NXPH2: variants seen among roughly 807,000 people sequenced by gnomAD.
NXPH2 encodes neurexophilin-2.
A neutral mutation model predicts 19.8 loss-of-function variants in NXPH2; 5 were observed. The ratio of observed to expected loss-of-function variants is 0.25; its 90% CI spans 0.13 to 0.53. NXPH2 has a LOEUF of 0.53. NXPH2 is among the 20% of genes least tolerant of loss of function. The pLI, the probability that NXPH2 is intolerant of heterozygous loss-of-function variation, is 0.96. For missense variants in NXPH2, 289 were observed against 322.8 expected (o/e 0.90, Z 0.80); for synonymous variants, 154 against 127.4 (o/e 1.21, Z -1.41).
At chr2:138,713,696 G>A (rs369527152) in intron 1 of NXPH2, among the ~76,000 whole-genome samples, 1 of 152,040 alleles carries the variant, frequency 6.6e-6, no homozygotes, top group Admixed American at 6.6e-5. Context: ...TGTGTGTTCT[G>A]TGATGAGGCC....
At position 138,670,517 on chromosome 2, in the gene NXPH2, G is replaced by A. The variant is rs1195735290; in HGVS notation, c.*405C>T. On this transcript the variant is annotated 3_prime_UTR_variant, in exon 2 of 2. Coordinates refer to ENST00000272641, the MANE Select transcript of NXPH2 (RefSeq NM_007226.3). Reference sequence around the variant, plus strand: ...ATCAAATACAATCTTTTCCTTTACCGCATCTGCTGTTTCTGCGGTAACCTT... The same window carrying A: ...ATCAAATACAATCTTTTCCTTTACCACATCTGCTGTTTCTGCGGTAACCTT... 1.3e-5 allele frequency among the ~76,000 whole-genome samples: 2 copies of A among 152,090 alleles called. No homozygotes were observed. The highest frequency in any genetic ancestry group is 2.1e-4 in the South Asian group (1 of 4,820).
Position 138,720,653 on chromosome 2 carries a change from G to A in NXPH2, c.52-48988C>T, listed in dbSNP as rs116610917. Among the ~76,000 whole-genome samples the A allele has an allele frequency of 8.9e-3, 1,360 of 152,320 alleles. 21 individuals are homozygous for A. The highest frequency in any genetic ancestry group is 0.031 in the African/African-American group (1,283 of 41,570). On this transcript the variant is annotated intron_variant, in intron 1 of 1. Coordinates refer to ENST00000272641, the MANE Select transcript of NXPH2 (RefSeq NM_007226.3). ...CTCTTTGAAGGAACTGTAATCCTGGGTGCAGAGGAGCCACGGCAGCACAGG... is the reference window on the plus strand; with the variant it reads ...CTCTTTGAAGGAACTGTAATCCTGGATGCAGAGGAGCCACGGCAGCACAGG...
At chr2:138,695,218 G>A (rs1157897434) in intron 1 of NXPH2, among the ~76,000 whole-genome samples, 1 of 152,066 alleles carries the variant, frequency 6.6e-6, no homozygotes, top group Non-Finnish European at 1.5e-5. Context: ...ATTCCAAATC[G>A]ATATTAGTGG....
chr2:138,716,520 T>G (rs1039929410), intron 1 of NXPH2, among the ~76,000 whole-genome samples: 2 of 152,172 alleles, frequency 1.3e-5, no homozygotes, highest in African/African-American at 4.8e-5. Flanking sequence ...CTGTGAGCAA[T>G]AAACATCTGT....
intron 1 of NXPH2, among the ~76,000 whole-genome samples, chr2:138,716,623 A>G (rs1428539610): frequency 6.6e-6 from 1 of 152,226 alleles, no homozygotes; most frequent in Non-Finnish European, 1.5e-5. Flanking sequence ...CTAAGACAAC[A>G]GGTATTCGGT....
chr2:138,687,529 T>C (rs1680679718), intron 1 of NXPH2, among the ~76,000 whole-genome samples: 1 of 152,238 alleles, frequency 6.6e-6, no homozygotes, highest in African/African-American at 2.4e-5. Flanking sequence ...TAGTTTCTTT[T>C]GCTGTGCAGA....
chr2:138,738,198 A>G (rs901927375), intron 1 of NXPH2, among the ~76,000 whole-genome samples: 1 of 152,128 alleles, frequency 6.6e-6, no homozygotes, highest in Non-Finnish European at 1.5e-5. Flanking sequence ...AAGGAAAGAA[A>G]GCAGAGTTTA....
At chr2:138,751,413 TCAAATAA>T in intron 1 of NXPH2, among the ~76,000 whole-genome samples, 1 of 152,310 alleles carries the variant, frequency 6.6e-6, no homozygotes, top group Admixed American at 6.5e-5. Flanking sequence ...TAACATCATC[TCAAATAA>T]CTATGTGCTT....
chr2:138,774,665 G>C (rs1207895014), intron 1 of NXPH2, among the ~76,000 whole-genome samples: 2 of 152,144 alleles, frequency 1.3e-5, no homozygotes, highest in African/African-American at 2.4e-5. Flanking sequence ...ACTCACAGGT[G>C]CACATGTGCA....
intron 1 of NXPH2, among the ~76,000 whole-genome samples, chr2:138,759,729 C>CTT (rs772878668): frequency 0.025 from 3,200 of 126,542 alleles, 162 homozygotes; most frequent in African/African-American, 0.075. Context: ...CCTATGCCAC[C>CTT]TTTTTTTTTT....
At chr2:138,700,233 C>T (rs369177147) in intron 1 of NXPH2, among the ~76,000 whole-genome samples, 1 of 152,128 alleles carries the variant, frequency 6.6e-6, no homozygotes, top group Non-Finnish European at 1.5e-5. Flanking sequence ...GCATTCAAAC[C>T]ATTTTTAACA....
At chr2:138,675,814 C>G (rs1200793205) in intron 1 of NXPH2, among the ~76,000 whole-genome samples, 1 of 151,986 alleles carries the variant, frequency 6.6e-6, no homozygotes, top group East Asian at 1.9e-4. Flanking sequence ...CAAACCTGTT[C>G]AAAGAGCCCT....
At chr2:138,751,241 A>C (rs1009412335) in intron 1 of NXPH2, among the ~76,000 whole-genome samples, 1 of 152,172 alleles carries the variant, frequency 6.6e-6, no homozygotes. Flanking sequence ...AGCAGTACAG[A>C]TCACACTCTG....
intron 1 of NXPH2, among the ~76,000 whole-genome samples, chr2:138,676,715 A>T (rs1024881313): frequency 6.6e-6 from 1 of 152,202 alleles, no homozygotes; most frequent in Non-Finnish European, 1.5e-5. Context: ...GGTCCAATGG[A>T]TAATCTCATG....
chr2:138,674,889 C>G (rs1273747984), intron 1 of NXPH2, among the ~76,000 whole-genome samples: 1 of 152,210 alleles, frequency 6.6e-6, no homozygotes, highest in African/African-American at 2.4e-5. Flanking sequence ...TTGGTAAATG[C>G]TTGCAGACAC....
chr2:138,690,950 T>G (rs1397770802), intron 1 of NXPH2, among the ~76,000 whole-genome samples: 2 of 152,178 alleles, frequency 1.3e-5, no homozygotes, highest in African/African-American at 2.4e-5. Flanking sequence ...AAGACCATCT[T>G]GAGAAGGTGA....
intron 1 of NXPH2, among the ~76,000 whole-genome samples, chr2:138,740,586 T>G (rs1216102260): frequency 6.6e-6 from 1 of 152,178 alleles, no homozygotes; most frequent in Non-Finnish European, 1.5e-5. Context: ...CGTAACTCTT[T>G]TTAATAAACA....
At chr2:138,694,462 G>A (rs1680798591) in intron 1 of NXPH2, among the ~76,000 whole-genome samples, 1 of 152,062 alleles carries the variant, frequency 6.6e-6, no homozygotes, top group South Asian at 2.1e-4. Flanking sequence ...TGAAGACAGA[G>A]ACAATCTCTG....
chr2:138,737,420 C>T lies in NXPH2; in HGVS notation c.51+42771G>A, dbSNP rs559652380. 2.0e-5 allele frequency among the ~76,000 whole-genome samples: 3 copies of T among 152,308 alleles called. No homozygotes were observed. In the South Asian group the frequency reaches 6.2e-4, roughly 32 times the overall value. On this transcript the variant is annotated intron_variant, in intron 1 of 1. Transcript: ENST00000272641. The stretch of plus-strand genomic sequence containing the variant: ...AGATCTTGTGAGACTTATTCACTAT[C>T]ATGAGAACAGTATGAAAGAAACTGC...
Sources: gnomAD v4.1 joint callset for allele counts (sites outside exome capture counted in the v4.1 genomes callset) on GRCh38, gnomAD v4.1.1 for gene constraint, MANE v1.5 for transcripts, NCBI Gene and HGNC (gene_info 2026-07-23, HGNC 2026-07-21) for gene names.